Variants in LRRTM4 observed in about 807,000 individuals in gnomAD.
LRRTM4 encodes the protein leucine-rich repeat transmembrane neuronal protein 4.
Under a neutral mutation model 47.6 loss-of-function variants are expected in LRRTM4, and 25 were observed. That is an observed-to-expected ratio of 0.53 (90% CI 0.38 to 0.73). The LOEUF (loss-of-function observed/expected upper bound fraction) is 0.73, where lower values mean the gene tolerates loss of function less well. Among genes scored for constraint, LRRTM4 ranks in the 30% least tolerant of loss-of-function variants. The probability of loss-of-function intolerance (pLI) is 0.00; values close to 1 mark genes in which losing one functional copy is unlikely to be tolerated. For missense variants in LRRTM4, 638 were observed against 713.4 expected (o/e 0.89, Z 1.20); for synonymous variants, 311 against 269.5 (o/e 1.15, Z -1.51).
intron 3 of LRRTM4, among the ~76,000 whole-genome samples, chr2:77,207,353 A>G (rs957866047): frequency 3.0e-5 from 4 of 132,766 alleles, no homozygotes; most frequent in South Asian, 2.4e-4. Context: ...ATATGTGTAT[A>G]TATATATATA....
chr2:76,949,802 T>C (rs897380300), intron 3 of LRRTM4, among the ~76,000 whole-genome samples: 1 of 151,952 alleles, frequency 6.6e-6, no homozygotes, highest in African/African-American at 2.4e-5. Flanking sequence ...TAAAAATATT[T>C]TGATGATGAC....
intron 3 of LRRTM4, among the ~76,000 whole-genome samples, chr2:77,301,942 C>T (rs750376394): frequency 1.3e-5 from 2 of 151,790 alleles, no homozygotes; most frequent in Non-Finnish European, 2.9e-5. Flanking sequence ...TAGCAACACT[C>T]GAAAATATTA....
intron 3 of LRRTM4, among the ~76,000 whole-genome samples, chr2:77,480,785 AGTGTGTGTGTGTGT>A (rs150441689): frequency 9.8e-6 from 1 of 102,224 alleles, no homozygotes; most frequent in Non-Finnish European, 1.9e-5. Flanking sequence ...CTGTTTTAGG[AGTGTGTGTGTGTGT>A]GTGTGTGTGT....
chr2:76,924,332 T>G (rs1674523163), intron 3 of LRRTM4, among the ~76,000 whole-genome samples: 1 of 152,156 alleles, frequency 6.6e-6, no homozygotes. Flanking sequence ...TTGTTCTTTA[T>G]GAGTTCTATG....
chr2:77,473,177 G>A (rs11898534), intron 3 of LRRTM4, among the ~76,000 whole-genome samples: 2 of 151,958 alleles, frequency 1.3e-5, no homozygotes, highest in Non-Finnish European at 2.9e-5. Flanking sequence ...TTCCTGGATT[G>A]TCTGAGTAAT....
At chr2:76,978,295 T>C (rs1050565757) in intron 3 of LRRTM4, among the ~76,000 whole-genome samples, 1 of 152,030 alleles carries the variant, frequency 6.6e-6, no homozygotes, top group Non-Finnish European at 1.5e-5. Context: ...CAGATTCCAT[T>C]AGCTGTTTGA....
intron 3 of LRRTM4, among the ~76,000 whole-genome samples, chr2:77,103,667 A>ATATATATATATATATATATATATATATC (rs145819033): frequency 2.1e-5 from 3 of 146,268 alleles, no homozygotes; most frequent in East Asian, 2.1e-4. Context: ...ATATATAGAT[A>ATATATATATATATATATATATATATATC]TATATATCAC....
intron 3 of LRRTM4, among the ~76,000 whole-genome samples, chr2:76,790,775 A>T (rs891583592): frequency 2.0e-5 from 3 of 151,556 alleles, no homozygotes; most frequent in African/African-American, 7.3e-5. Context: ...CTACTCTTTG[A>T]TCAAATTTGA....
At chr2:77,442,892 A>T (rs538993498) in intron 3 of LRRTM4, among the ~76,000 whole-genome samples, 34 of 152,258 alleles carry the variant, frequency 2.2e-4, no homozygotes, top group African/African-American at 7.9e-4. Context: ...GAGGATATGG[A>T]AGATTAGTCT....
rs981305010 is a variant in LRRTM4 at position 77,299,046 on chromosome 2, C to A, written c.1551+219272G>T. Among the ~76,000 whole-genome samples the A allele has an allele frequency of 2.6e-5, 4 of 151,938 alleles. No homozygotes were observed. In the East Asian group the frequency reaches 7.7e-4, roughly 29 times the overall value. On this transcript the variant is annotated intron_variant, in intron 3 of 3. Coordinates refer to ENST00000409884, the MANE Select transcript of LRRTM4 (RefSeq NM_001134745.3). ...ACAGTATACAAGAAGGTTTACATAA[C>A]GTATAAAAATGTTCTATATTTAATG...
At chr2:77,166,822 C>T (rs900436370) in intron 3 of LRRTM4, among the ~76,000 whole-genome samples, 1 of 152,128 alleles carries the variant, frequency 6.6e-6, no homozygotes, top group Admixed American at 6.5e-5. Context: ...GGATTAAAGA[C>T]TTAAATGTTA....
intron 3 of LRRTM4, among the ~76,000 whole-genome samples, chr2:77,240,000 A>G (rs1675212772): frequency 1.3e-5 from 2 of 151,920 alleles, no homozygotes; most frequent in Non-Finnish European, 2.9e-5. Flanking sequence ...GTGCATGCAC[A>G]TGTAACATCT....
At chr2:77,318,038 G>T (rs939964107) in intron 3 of LRRTM4, among the ~76,000 whole-genome samples, 4 of 116,944 alleles carry the variant, frequency 3.4e-5, no homozygotes, top group Non-Finnish European at 6.4e-5. Flanking sequence ...ACGGAGTCTC[G>T]CTCTGTCGCC....
At position 76,887,092 on chromosome 2, in the gene LRRTM4, T is replaced by C. The variant is rs140885824; in HGVS notation, c.1552-138176A>G. Among the ~76,000 whole-genome samples, 20 of 151,758 alleles carry C rather than the reference T, an allele frequency of 1.3e-4. 1 individual carries two copies. Among genetic ancestry groups the C allele is most frequent in the Middle Eastern group, 6.8e-3 (2 of 294 alleles). ...TAAAACTGTGAGGCTAATACGAGAA[T>C]GCACAGAAATATCTACAAAATAAAG... On this transcript the variant is annotated intron_variant, in intron 3 of 3. Transcript: ENST00000409884.
At chr2:77,196,834 A>G (rs947017515) in intron 3 of LRRTM4, among the ~76,000 whole-genome samples, 4 of 152,224 alleles carry the variant, frequency 2.6e-5, no homozygotes, top group South Asian at 4.1e-4. Context: ...CAAGAACAAT[A>G]TAAGTATGGG....
chr2:76,916,058 G>T (rs1408391460), intron 3 of LRRTM4, among the ~76,000 whole-genome samples: 1 of 151,920 alleles, frequency 6.6e-6, no homozygotes, highest in Non-Finnish European at 1.5e-5. Flanking sequence ...AATAAAAATA[G>T]AAATGATGAG....
chr2:77,480,822 GGAGA>G lies in LRRTM4; in HGVS notation c.1551+37492_1551+37495del, dbSNP rs67377276. Among the ~76,000 whole-genome samples, 61 of 74,516 alleles carry G rather than the reference GGAGA, an allele frequency of 8.2e-4. 1 individual carries two copies. Among genetic ancestry groups the G allele is most frequent in the Middle Eastern group, 0.019 (2 of 108 alleles). 48.9% of individuals were successfully genotyped at this position (74,516 alleles called of 152,430 possible). A position where few individuals can be genotyped will look rare whatever the true frequency, so the allele number is the denominator to read the frequency against. ...TGTGTGTGTGTGTGTGTGTGTGTGTGGAGAGAGAGAGAGAGAGAGAGAGAGAGAG... is the reference window on the plus strand; with the variant it reads ...TGTGTGTGTGTGTGTGTGTGTGTGTGGAGAGAGAGAGAGAGAGAGAGAGAG... On this transcript the variant is annotated intron_variant, in intron 3 of 3. Transcript: ENST00000409884.
chr2:76,959,091 C>G lies in LRRTM4; in HGVS notation c.1552-210175G>C, dbSNP rs540893622. Among the ~76,000 whole-genome samples the G allele has an allele frequency of 1.1e-4, 16 of 151,758 alleles. No homozygotes were observed. In the South Asian group the frequency reaches 3.1e-3, roughly 30 times the overall value. On this transcript the variant is annotated intron_variant, in intron 3 of 3. Coordinates refer to ENST00000409884, the MANE Select transcript of LRRTM4 (RefSeq NM_001134745.3). ...TCATGAGCATAATCAGGCCTCTAAG[C>G]CCAGGGCATCCCTTTGGCTGGTTAT...
intron 3 of LRRTM4, among the ~76,000 whole-genome samples, chr2:77,447,317 G>T (rs1676090853): frequency 6.6e-6 from 1 of 151,966 alleles, no homozygotes; most frequent in Non-Finnish European, 1.5e-5. Flanking sequence ...TATCTGTAAA[G>T]ACATAGGTAT....
Sources: gnomAD v4.1 joint callset for allele counts (sites outside exome capture counted in the v4.1 genomes callset) on GRCh38, gnomAD v4.1.1 for gene constraint, MANE v1.5 for transcripts, NCBI Gene and HGNC (gene_info 2026-07-23, HGNC 2026-07-21) for gene names.